KCNQ5: variants seen among roughly 807,000 people sequenced by gnomAD.
KCNQ5 encodes potassium voltage-gated channel subfamily Q member 5.
Under a neutral mutation model 98.2 loss-of-function variants are expected in KCNQ5, and 30 were observed. The ratio of observed to expected loss-of-function variants is 0.31; its 90% CI spans 0.23 to 0.41. KCNQ5 has a LOEUF of 0.41. KCNQ5 is among the 10% of genes least tolerant of loss of function. The probability of loss-of-function intolerance (pLI) is 1.00; values close to 1 mark genes in which losing one functional copy is unlikely to be tolerated. For missense variants in KCNQ5, 835 were observed against 1,182.5 expected (o/e 0.71, Z 4.31); for synonymous variants, 458 against 449.4 (o/e 1.02, Z -0.24).
At chr6:72,838,879 G>A (rs1033538226) in intron 1 of KCNQ5, among the ~76,000 whole-genome samples, 4 of 146,234 alleles carry the variant, frequency 2.7e-5, no homozygotes, top group Admixed American at 1.4e-4. Context: ...GAACCCGGGA[G>A]GCGGAGCTTG....
chr6:72,804,240 G>A (rs1305951509), intron 1 of KCNQ5, among the ~76,000 whole-genome samples: 1 of 151,864 alleles, frequency 6.6e-6, no homozygotes, highest in Non-Finnish European at 1.5e-5. Flanking sequence ...TCACCCTGTT[G>A]TGCTATCAAA....
chr6:72,742,439 T>C (rs1381854214), intron 1 of KCNQ5, among the ~76,000 whole-genome samples: 1 of 152,212 alleles, frequency 6.6e-6, no homozygotes, highest in Non-Finnish European at 1.5e-5. Context: ...TGCTCCTCTT[T>C]CTACTGCTAT....
intron 9 of KCNQ5, 73 bp downstream of exon 9, chr6:73,124,585 T>G (rs772236816): frequency 7.5e-7 from 1 of 1,328,400 alleles, no homozygotes; most frequent in Non-Finnish European, 1.1e-6. Context: ...ATGTGTCTCA[T>G]GTGAGTAAAA....
At chr6:73,087,835 T>A (rs543942105) in intron 5 of KCNQ5, among the ~76,000 whole-genome samples, 191 of 152,190 alleles carry the variant, frequency 1.3e-3, no homozygotes, top group African/African-American at 3.9e-3. Context: ...AGGTCTGGCA[T>A]CATAGAATTT....
chr6:72,967,684 A>C (rs1767686031), intron 1 of KCNQ5: 1 of 154,834 alleles, frequency 6.5e-6, no homozygotes, highest in African/African-American at 2.4e-5. Context: ...TCAGAAGGTG[A>C]ATAGGATGAT....
intron 5 of KCNQ5, among the ~76,000 whole-genome samples, chr6:73,083,720 TAAG>T (rs1224001353): frequency 6.6e-6 from 1 of 152,206 alleles, no homozygotes; most frequent in Non-Finnish European, 1.5e-5. Flanking sequence ...AAGTTTCAAT[TAAG>T]AAGACTTCTC....
At chr6:72,783,570 C>T (rs1335262776) in intron 1 of KCNQ5, among the ~76,000 whole-genome samples, 1 of 152,096 alleles carries the variant, frequency 6.6e-6, no homozygotes, top group Non-Finnish European at 1.5e-5. Flanking sequence ...ATATAGGAAA[C>T]AAGAGAGGCT....
chr6:73,112,426 A>C (rs1235364335), intron 7 of KCNQ5, among the ~76,000 whole-genome samples: 1 of 151,148 alleles, frequency 6.6e-6, no homozygotes, highest in African/African-American at 2.4e-5. Flanking sequence ...GCTCACTGCA[A>C]GCTCCGCCTC....
At chr6:72,647,768 C>T (rs1231827261) in intron 1 of KCNQ5, among the ~76,000 whole-genome samples, 2 of 152,162 alleles carry the variant, frequency 1.3e-5, no homozygotes, top group Non-Finnish European at 2.9e-5. Flanking sequence ...TTGTAAGTTC[C>T]TATGGGAATG....
At chr6:72,774,212 C>G (rs1210731079) in intron 1 of KCNQ5, among the ~76,000 whole-genome samples, 1 of 152,114 alleles carries the variant, frequency 6.6e-6, no homozygotes, top group Non-Finnish European at 1.5e-5. Flanking sequence ...TTAAATATTT[C>G]AGGCTTTGCA....
At chr6:72,919,218 G>C (rs1347524196) in intron 1 of KCNQ5, among the ~76,000 whole-genome samples, 1 of 152,124 alleles carries the variant, frequency 6.6e-6, no homozygotes, top group Non-Finnish European at 1.5e-5. Flanking sequence ...GAAAGATGGG[G>C]CAGGCAAAAA....
chr6:72,766,483 A>G (rs570952128), intron 1 of KCNQ5, among the ~76,000 whole-genome samples: 1 of 152,120 alleles, frequency 6.6e-6, no homozygotes, highest in East Asian at 1.9e-4. Flanking sequence ...GCGGTACTAG[A>G]AAGGAAGCAG....
intron 1 of KCNQ5, among the ~76,000 whole-genome samples, chr6:72,775,572 G>A (rs1773118552): frequency 1.0e-5 from 1 of 96,302 alleles, no homozygotes; most frequent in African/African-American, 4.0e-5. Flanking sequence ...AATATGGACA[G>A]GAGGGGAGAA....
intron 9 of KCNQ5, chr6:73,125,670 A>C: frequency 5.3e-6 from 1 of 187,592 alleles, no homozygotes; most frequent in Non-Finnish European, 1.1e-5. Context: ...TGGATTATCC[A>C]TTTTTGCATT....
intron 11 of KCNQ5, among the ~76,000 whole-genome samples, chr6:73,185,207 C>T (rs540965683): frequency 6.6e-6 from 1 of 152,258 alleles, no homozygotes; most frequent in South Asian, 2.1e-4. Context: ...GAGACAAGGT[C>T]CCACTCTGTT....
intron 1 of KCNQ5, among the ~76,000 whole-genome samples, chr6:72,787,023 A>G (rs927908111): frequency 4.0e-5 from 6 of 150,362 alleles, no homozygotes; most frequent in Non-Finnish European, 8.9e-5. Flanking sequence ...AAAAAAAAAA[A>G]AAAAAAGAAA....
At chr6:72,888,044 A>G (rs1778914011) in intron 1 of KCNQ5, among the ~76,000 whole-genome samples, 1 of 152,176 alleles carries the variant, frequency 6.6e-6, no homozygotes, top group Non-Finnish European at 1.5e-5. Flanking sequence ...AACAAACCAA[A>G]GGGAGCTGAT....
chr6:73,078,942 A>G (rs1315539294), intron 5 of KCNQ5, among the ~76,000 whole-genome samples: 2 of 152,256 alleles, frequency 1.3e-5, no homozygotes, highest in Non-Finnish European at 2.9e-5. Flanking sequence ...GGAGTGCTTT[A>G]TGCAATGTAT....
chr6:73,034,917 C>T (rs1217410101), intron 2 of KCNQ5, among the ~76,000 whole-genome samples: 2 of 146,720 alleles, frequency 1.4e-5, no homozygotes, highest in Admixed American at 7.0e-5. Flanking sequence ...ATGATCTCGG[C>T]TCACTGCAAG....
Sources: allele counts gnomAD v4.1 joint callset (sites outside exome capture counted in the v4.1 genomes callset), GRCh38; gene constraint gnomAD v4.1.1; transcripts MANE v1.5; gene names NCBI Gene and HGNC (gene_info 2026-07-23, HGNC 2026-07-21).